Variants in HOOK1 observed in about 807,000 individuals in gnomAD.
The protein encoded by HOOK1 is hook microtubule tethering protein 1, also known as protein Hook homolog 1.
Under a neutral mutation model 112.8 loss-of-function variants are expected in HOOK1, and 60 were observed. The ratio of observed to expected loss-of-function variants is 0.53; its 90% CI spans 0.43 to 0.66. The LOEUF (loss-of-function observed/expected upper bound fraction) is 0.66, where lower values mean the gene tolerates loss of function less well. HOOK1 is among the 30% of genes least tolerant of loss of function. HOOK1 has a pLI of 0.00. For synonymous variants in HOOK1, 294 were observed against 283.8 expected, an observed-to-expected ratio of 1.04 and a Z score of -0.36; for missense variants, 770 against 856.0, an observed-to-expected ratio of 0.90 and a Z score of 1.25.
intron 12 of HOOK1, among the ~76,000 whole-genome samples, chr1:59,858,180 A>G (rs2098411680): frequency 6.6e-6 from 1 of 152,180 alleles, no homozygotes; most frequent in Admixed American, 6.5e-5. Flanking sequence ...CCCGTTGCAT[A>G]TCTGTCCTCT....
chr1:59,872,955 C>T lies in HOOK1; in HGVS notation c.2177C>T (p.Thr726Ile). Reference sequence around the variant, plus strand: ...CTCTCTGTTAAAGTCCCTGCTACAACATCTGATTAAACTGCAAAAAAAACA... The same window carrying T: ...CTCTCTGTTAAAGTCCCTGCTACAATATCTGATTAAACTGCAAAAAAAACA... The part of the protein sequence containing the change: ...RNLSVKVPAT[T>I]SD The change falls in exon 22 of 22, where the codon ACA becomes ATA. Residue 726 changes from threonine (T) to isoleucine (I), a missense_variant. Thr to Ile is a moderately conservative substitution (Grantham distance 89). Coordinates refer to ENST00000371208, the MANE Select transcript of HOOK1 (RefSeq NM_015888.6). 1 of 1,483,138 alleles carries T rather than the reference C, an allele frequency of 6.7e-7. No individual in the cohort carries two copies. Among genetic ancestry groups the T allele is most frequent in the Admixed American group, 2.3e-5 (1 of 43,458 alleles). 91.9% of individuals were successfully genotyped at this position (1,483,138 alleles called of 1,614,324 possible). A position where few individuals can be genotyped will look rare whatever the true frequency, so the allele number is the denominator to read the frequency against.
At chr1:59,865,267 G>T (rs755808245) in intron 18 of HOOK1, 22 bp downstream of exon 18, 1 of 1,443,010 alleles carries the variant, frequency 6.9e-7, no homozygotes, top group South Asian at 1.1e-5. Context: ...TGAAAACTTG[G>T]ATCAGACAAC....
chr1:59,860,117 CT>C (rs940966054), intron 14 of HOOK1, 70 bp from the exon 15 acceptor site: 71 of 1,273,530 alleles, frequency 5.6e-5, no homozygotes, highest in Non-Finnish European at 6.6e-5. Flanking sequence ...CAGGAATTTC[CT>C]TTTTTTAACT....
At chr1:59,848,176 A>G (rs1333229953) in intron 10 of HOOK1, 139 bp from the exon 11 acceptor site, 5 of 612,058 alleles carry the variant, frequency 8.2e-6, no homozygotes, top group East Asian at 5.6e-5. Flanking sequence ...AAAGTTTACA[A>G]TTTCCTCTTC....
chr1:59,848,158 G>C (rs991681826), intron 10 of HOOK1, among the ~76,000 whole-genome samples, 157 bp from the exon 11 acceptor site: 14 of 151,624 alleles, frequency 9.2e-5, no homozygotes, highest in Admixed American at 5.9e-4. Context: ...TGTTTCCAAA[G>C]TTCTTACAAA....
intron 12 of HOOK1, among the ~76,000 whole-genome samples, chr1:59,856,995 T>C (rs972061355): frequency 1.3e-5 from 2 of 152,180 alleles, no homozygotes; most frequent in African/African-American, 2.4e-5. Flanking sequence ...ATTTCTCAGA[T>C]CTTTCTTGCA....
At chr1:59,871,003 AT>A in intron 20 of HOOK1, 38 bp from the exon 21 acceptor site, 1 of 1,303,292 alleles carries the variant, frequency 7.7e-7, no homozygotes, top group Middle Eastern at 1.8e-4. Context: ...ATTTGGGGTA[AT>A]TTCTGGGATT....
intron 1 of HOOK1, among the ~76,000 whole-genome samples, chr1:59,816,459 A>C (rs1469272141): frequency 6.6e-6 from 1 of 152,238 alleles, no homozygotes; most frequent in Non-Finnish European, 1.5e-5. Context: ...GTTAAAACAG[A>C]CTAATTAAAG....
At chr1:59,824,414 G>A (rs1046191035) in intron 2 of HOOK1, among the ~76,000 whole-genome samples, 1 of 152,094 alleles carries the variant, frequency 6.6e-6, no homozygotes, top group Non-Finnish European at 1.5e-5. Context: ...CACCATGTTG[G>A]TCAGGCAGGT....
chr1:59,832,147 ATTTTTTTCACAT>A lies in HOOK1; in HGVS notation c.223-14_223-3del. Reference sequence around the variant, plus strand: ...TATTAATCTGAAATAAGAATCTCTTATTTTTTTCACATTAGGCCAGTAATGTAAAGAAGGTCC... The same window carrying A: ...TATTAATCTGAAATAAGAATCTCTTATAGGCCAGTAATGTAAAGAAGGTCC... On this transcript the variant is annotated splice_region_variant and splice_polypyrimidine_tract_variant and intron_variant, in intron 3 of 21. Coordinates refer to ENST00000371208, the MANE Select transcript of HOOK1 (RefSeq NM_015888.6). 1 of 1,403,688 alleles carries A rather than the reference ATTTTTTTCACAT, an allele frequency of 7.1e-7. No homozygotes were observed. The highest frequency in any genetic ancestry group is 9.8e-7 in the Non-Finnish European group (1 of 1,025,266). 87.0% of individuals were successfully genotyped at this position (1,403,688 alleles called of 1,614,324 possible).
rs1191821568 is a variant in HOOK1 at position 59,848,401 on chromosome 1, A to T, written c.1016A>T (p.Gln339Leu). The T allele has an allele frequency of 1.2e-6, 2 of 1,611,480 alleles. No individual in the cohort carries two copies. The highest frequency in any genetic ancestry group is 4.5e-5 in the East Asian group (2 of 44,772). ...KLQDLNDLRK[Q>L]VKTLQETNMM... The stretch of plus-strand genomic sequence containing the variant: ...CAAGATCTGAATGACCTTCGCAAGC[A>T]GGTGAAAACTTTACAGGAAACCAAC... Residue 339 changes from glutamine to leucine, a missense_variant, in exon 11 of 22, where the codon CAG becomes CTG. Physicochemically the swap from Gln to Leu is moderately radical, Grantham distance 113 (BLOSUM62 -2). Around this residue, in one of 3 missense-constraint regions of HOOK1, gnomAD observed 655 missense variants for 725.9 expected, o/e 0.90. Transcript: ENST00000371208.
At chr1:59,855,379 G>C (rs376592677) in intron 12 of HOOK1, among the ~76,000 whole-genome samples, 1 of 152,144 alleles carries the variant, frequency 6.6e-6, no homozygotes, top group Non-Finnish European at 1.5e-5. Flanking sequence ...GTGAGAACAC[G>C]TGGTATTTGG....
intron 10 of HOOK1, among the ~76,000 whole-genome samples, chr1:59,847,679 T>G (rs2098404778): frequency 6.6e-6 from 1 of 151,698 alleles, no homozygotes; most frequent in Non-Finnish European, 1.5e-5. Context: ...CAGTGAACAG[T>G]CTGTCCACGT....
chr1:59,854,923 C>T (rs1417964410), intron 12 of HOOK1, among the ~76,000 whole-genome samples: 5 of 152,056 alleles, frequency 3.3e-5, no homozygotes, highest in African/African-American at 1.2e-4. Flanking sequence ...TACAAAGAAA[C>T]AGGGTAGCCT....
chr1:59,836,898 C>A lies in HOOK1; in HGVS notation c.500C>A (p.Ser167Tyr). The A allele has an allele frequency of 1.3e-6, 2 of 1,592,256 alleles. No homozygotes were observed. The highest frequency in any genetic ancestry group is 1.7e-6 in the Non-Finnish European group (2 of 1,163,964). Reference sequence around the variant, plus strand: ...TTGATGAGTAAAGAAATATTGAGCTCTCCTCCAAATGATGCTGTTGGAGAA... The same window carrying A: ...TTGATGAGTAAAGAAATATTGAGCTATCCTCCAAATGATGCTGTTGGAGAA... The part of the protein sequence containing the change: ...QELMSKEILS[S>Y]PPNDAVGELE... The change falls in exon 7 of 22, where the codon TCT (serine) becomes TAT (tyrosine). Residue 167 changes from serine to tyrosine, a missense_variant. By Grantham distance (144) the Ser-to-Tyr change is moderately radical. Around this residue, in one of 3 missense-constraint regions of HOOK1, gnomAD observed 655 missense variants for 725.9 expected, o/e 0.90. Transcript: ENST00000371208.
chr1:59,860,786 T>TG (rs1347287280), intron 15 of HOOK1, among the ~76,000 whole-genome samples: 1 of 151,256 alleles, frequency 6.6e-6, no homozygotes, highest in African/African-American at 2.4e-5. Context: ...TCTTTTTTTT[T>TG]TTTTTGAGAC....
At chr1:59,824,302 G>A (rs921579235) in intron 2 of HOOK1, among the ~76,000 whole-genome samples, 1 of 151,880 alleles carries the variant, frequency 6.6e-6, no homozygotes, top group Non-Finnish European at 1.5e-5. Context: ...CCGCCTACCG[G>A]GTTCAAGTGA....
intron 12 of HOOK1, among the ~76,000 whole-genome samples, chr1:59,851,580 A>G (rs1244720196): frequency 1.3e-5 from 2 of 151,556 alleles, no homozygotes; most frequent in African/African-American, 2.4e-5. Context: ...AGGATTATCT[A>G]TATGTAAGAT....
intron 17 of HOOK1, 71 bp downstream of exon 17, chr1:59,864,737 C>CTTTAGAGTTAAAG: frequency 1.0e-6 from 1 of 963,730 alleles, no homozygotes; most frequent in South Asian, 1.5e-5. Flanking sequence ...AGTTAATCTC[C>CTTTAGAGTTAAAG]TTTTCGGATT....
Sources: gnomAD v4.1 joint callset for allele counts (sites outside exome capture counted in the v4.1 genomes callset) on GRCh38, gnomAD v4.1.1 for gene constraint, gnomAD v4.1.1 regional missense constraint, MANE v1.5 for transcripts, NCBI Gene and HGNC (gene_info 2026-07-23, HGNC 2026-07-21) for gene names.